The following CCDC102B variants were observed in gnomAD, a reference collection of about 807,000 sequenced individuals.
CCDC102B encodes coiled-coil domain-containing protein 102B.
A neutral mutation model predicts 57.4 loss-of-function variants in CCDC102B; 75 were observed. The observed-to-expected ratio is 1.31, with a 90% confidence interval of 1.08 to 1.58. The LOEUF (loss-of-function observed/expected upper bound fraction) is 1.58, where lower values mean the gene tolerates loss of function less well. Ranked by LOEUF, CCDC102B falls within the 40% of genes most tolerant of loss-of-function variation. CCDC102B has a pLI of 0.00. For missense variants in CCDC102B, 636 were observed against 582.6 expected (o/e 1.09, Z -0.94); for synonymous variants, 206 against 201.9 (o/e 1.02, Z -0.17).
intron 2 of CCDC102B, among the ~76,000 whole-genome samples, chr18:68,752,877 G>A (rs2033913038): frequency 6.6e-6 from 1 of 151,930 alleles, no homozygotes; most frequent in Non-Finnish European, 1.5e-5. Context: ...TAAATATTCT[G>A]GTTCCTACAT....
At chr18:68,972,433 T>C (rs1462107181) in intron 6 of CCDC102B, among the ~76,000 whole-genome samples, 1 of 152,168 alleles carries the variant, frequency 6.6e-6, no homozygotes, top group Non-Finnish European at 1.5e-5. Context: ...ATATTAGGGA[T>C]TTCATTACTG....
intron 6 of CCDC102B, among the ~76,000 whole-genome samples, chr18:69,002,336 C>G (rs2051225283): frequency 6.6e-6 from 1 of 152,208 alleles, no homozygotes; most frequent in Non-Finnish European, 1.5e-5. Flanking sequence ...GAATGGTACT[C>G]TTCAGCTGCC....
chr18:68,735,086 C>T (rs1310133704), intron 2 of CCDC102B, among the ~76,000 whole-genome samples: 1 of 152,194 alleles, frequency 6.6e-6, no homozygotes, highest in East Asian at 1.9e-4. Flanking sequence ...GAGTCTTGCT[C>T]TGTCACCTAG....
At chr18:68,720,054 G>A (rs972039984) in intron 2 of CCDC102B, among the ~76,000 whole-genome samples, 1 of 152,068 alleles carries the variant, frequency 6.6e-6, no homozygotes, top group African/African-American at 2.4e-5. Context: ...GAAATTTTCT[G>A]CAGTAACACA....
intron 2 of CCDC102B, among the ~76,000 whole-genome samples, chr18:68,788,149 T>C (rs778924235): frequency 6.6e-6 from 1 of 152,174 alleles, no homozygotes; most frequent in African/African-American, 2.4e-5. Context: ...TTGAGTGAGA[T>C]TCTTAATCCT....
intron 2 of CCDC102B, among the ~76,000 whole-genome samples, chr18:68,751,102 G>T (rs1199055246): frequency 6.6e-6 from 1 of 151,962 alleles, no homozygotes; most frequent in African/African-American, 2.4e-5. Context: ...AAATAAAAAA[G>T]AGAAAGATAT....
At chr18:69,046,746 A>G (rs996797140) in intron 7 of CCDC102B, among the ~76,000 whole-genome samples, 6 of 152,008 alleles carry the variant, frequency 3.9e-5, no homozygotes, top group South Asian at 2.1e-4. Flanking sequence ...TTAAGTCTTT[A>G]TAATCCATCT....
At chr18:68,833,788 C>T (rs983044038) in intron 1 of CCDC102B, among the ~76,000 whole-genome samples, 1 of 152,116 alleles carries the variant, frequency 6.6e-6, no homozygotes, top group Non-Finnish European at 1.5e-5. Context: ...AGACCCTTAA[C>T]ATTTTATTTA....
intron 2 of CCDC102B, among the ~76,000 whole-genome samples, chr18:68,719,568 A>C (rs2032213030): frequency 6.6e-6 from 1 of 152,176 alleles, no homozygotes; most frequent in African/African-American, 2.4e-5. Flanking sequence ...TGTTCTCTTC[A>C]GGCTTTCAAT....
chr18:68,723,265 T>G (rs2032438392), intron 2 of CCDC102B, among the ~76,000 whole-genome samples: 1 of 152,132 alleles, frequency 6.6e-6, no homozygotes, highest in Non-Finnish European at 1.5e-5. Context: ...TTATTACAAT[T>G]CAAGATGAGA....
intron 2 of CCDC102B, among the ~76,000 whole-genome samples, chr18:68,775,729 C>T (rs1289512577): frequency 1.4e-5 from 2 of 147,864 alleles, no homozygotes; most frequent in Non-Finnish European, 3.0e-5. Context: ...CCTCGGCTCA[C>T]TGCAACCTCT....
intron 2 of CCDC102B, among the ~76,000 whole-genome samples, chr18:68,785,442 C>A (rs1331114137): frequency 1.3e-5 from 2 of 152,046 alleles, no homozygotes; most frequent in East Asian, 3.9e-4. Flanking sequence ...ACAGTCCTAC[C>A]AACAGTGTAA....
intron 6 of CCDC102B, among the ~76,000 whole-genome samples, chr18:68,955,132 T>A (rs1394066000): frequency 6.6e-6 from 1 of 152,188 alleles, no homozygotes; most frequent in Non-Finnish European, 1.5e-5. Flanking sequence ...TTTGAAGCAA[T>A]GTGTGCCTTT....
chr18:69,007,602 C>T (rs890738759), intron 6 of CCDC102B, among the ~76,000 whole-genome samples: 10 of 152,258 alleles, frequency 6.6e-5, no homozygotes, highest in African/African-American at 2.4e-4. Context: ...CTTGTTAAAC[C>T]CACAGCTTCT....
At chr18:68,958,124 T>C (rs1469111966) in intron 6 of CCDC102B, among the ~76,000 whole-genome samples, 2 of 152,118 alleles carry the variant, frequency 1.3e-5, no homozygotes, top group East Asian at 3.9e-4. Context: ...TATCAGGTCT[T>C]GTAAGACTTA....
rs770016050 is a variant in CCDC102B, at chr18:69,055,027, A to G, written c.*890A>G. 30 of 982,888 alleles carry G rather than the reference A, an allele frequency of 3.1e-5. No homozygotes were observed. Among genetic ancestry groups the G allele is most frequent in the Non-Finnish European group, 3.6e-5 (30 of 827,816 alleles). The allele number at this position is 982,888 out of a possible 1,614,324, so 60.9% of individuals were successfully genotyped here. ...GTAAAATGTTATTTTGAACAAAAAG[A>G]CACTTATAATTTTCCATACCTATTT... On this transcript the variant is annotated 3_prime_UTR_variant, in exon 8 of 8. Coordinates refer to ENST00000360242, the MANE Select transcript of CCDC102B (RefSeq NM_024781.3).
rs116589519 is a variant in CCDC102B, at chr18:68,719,048, A to G, written c.-67+2454A>G. Among the ~76,000 whole-genome samples, 597 of 152,364 alleles carry G rather than the reference A, an allele frequency of 3.9e-3. 5 individuals carry two copies. Among genetic ancestry groups the G allele is most frequent in the African/African-American group, 0.014 (576 of 41,580 alleles). On this transcript the variant is annotated intron_variant, in intron 2 of 3. Transcript: ENST00000578970. ...ACTTAAAGAGATACAGAACAACTTT[A>G]TGAAAATACATAAGAAAACTTAAAG...
At chr18:68,770,162 A>G (rs1038249846) in intron 2 of CCDC102B, among the ~76,000 whole-genome samples, 2 of 152,214 alleles carry the variant, frequency 1.3e-5, no homozygotes, top group African/African-American at 2.4e-5. Flanking sequence ...CCTTTGAGGG[A>G]CCATGTGAAT....
At chr18:68,715,252 C>T (rs2031868812) in exon 1 of CCDC102B, 1 of 1,334,434 alleles carries the variant, frequency 7.5e-7, no homozygotes, top group East Asian at 3.3e-5. Context: ...CCCTCCACGC[C>T]CAGGAGCGTG....
Sources: gnomAD v4.1 joint callset for allele counts (sites outside exome capture counted in the v4.1 genomes callset) on GRCh38, gnomAD v4.1.1 for gene constraint, MANE v1.5 for transcripts, NCBI Gene and HGNC (gene_info 2026-07-23, HGNC 2026-07-21) for gene names.